CDX4: variants seen among roughly 807,000 people sequenced by gnomAD.
CDX4 encodes the protein homeobox protein CDX-4.
In CDX4, 11 loss-of-function variants were observed where a neutral mutation model predicts 14.1. That is an observed-to-expected ratio of 0.78 (90% CI 0.49 to 1.29). CDX4 has a LOEUF of 1.29. CDX4 is among the 50% of genes most tolerant of loss of function. CDX4 has a pLI of 0.00. For missense variants in CDX4, 257 were observed against 237.4 expected (o/e 1.08, Z -0.54); for synonymous variants, 100 against 93.5 (o/e 1.07, Z -0.40).
chrX:73,448,505 A>T (rs995045336), intron 1 of CDX4, among the ~76,000 whole-genome samples: 1 of 112,197 alleles, frequency 8.9e-6, no homozygotes, highest in Non-Finnish European at 1.9e-5. Flanking sequence ...CACGCAAACG[A>T]ATCAGCTCCA....
chrX:73,451,039 G>C (rs985264450), intron 1 of CDX4, among the ~76,000 whole-genome samples: 2 of 111,603 alleles, frequency 1.8e-5, no homozygotes, highest in African/African-American at 6.5e-5. Context: ...GACTCTTTGA[G>C]GAGAAGGCAA....
chrX:73,450,791 A>C (rs1335696309), intron 1 of CDX4, among the ~76,000 whole-genome samples: 2 of 111,858 alleles, frequency 1.8e-5, no homozygotes, highest in African/African-American at 6.5e-5. Context: ...TCCCTACATA[A>C]GAATATTCAT....
In CDX4 at chrX:73,447,326, G is replaced by A. The variant is rs370175012; in HGVS notation, c.73G>A (p.Gly25Ser). Residue 25 changes from glycine to serine, a missense_variant, in exon 1 of 3, where the codon GGC (glycine) becomes AGC (serine). Physicochemically the swap from Gly to Ser is moderately conservative, Grantham distance 56 (BLOSUM62 0). Coordinates refer to ENST00000373514, the MANE Select transcript of CDX4 (RefSeq NM_005193.2). ...CACTCTCATGAGCCCTGGGGGCGAC[G>A]GCACAGCTGGGACAGGCGGCACAGG... The part of the protein sequence containing the change: ...PGTLMSPGGD[G>S]TAGTGGTGGG... 2.5e-6 allele frequency: 3 copies of A among 1,209,201 alleles called. No individual in the cohort carries two copies. Among genetic ancestry groups the A allele is most frequent in the South Asian group, 1.8e-5 (1 of 56,714 alleles).
chrX:73,447,454 G>T lies in CDX4; in HGVS notation c.201G>T (p.Pro67=). The change falls in exon 1 of 3, where the codon CCG becomes CCT. Residue 67 remains proline (P), a synonymous_variant. Transcript: ENST00000373514. ...TGCCCAGCATGGATCCTCACTGGCC[G>T]TCTCTGGGAGTCTGGGGCTCACCCT... ...PHMPSMDPHW[P]SLGVWGSPYS... is the part of the protein sequence containing the mutation. The T allele has an allele frequency of 1.7e-6, 2 of 1,211,314 alleles. No homozygotes were observed. The highest frequency in any genetic ancestry group is 2.2e-6 in the Non-Finnish European group (2 of 895,134).
chrX:73,454,493 C>T lies in CDX4; in HGVS notation c.763C>T (p.Pro255Ser). 1 of 1,206,659 alleles carries T rather than the reference C, an allele frequency of 8.3e-7. No homozygotes were observed. ...GCAAAGTGACTCTGACTCCATCAGCCCTGGGGAACTACCTAACACTTTTTT... is the reference window on the plus strand; with the variant it reads ...GCAAAGTGACTCTGACTCCATCAGCTCTGGGGAACTACCTAACACTTTTTT... Reference protein sequence around the residue: ...SVQSDSDSISPGELPNTFFTT... With the variant: ...SVQSDSDSISSGELPNTFFTT... Residue 255 changes from proline (P) to serine (S), a missense_variant, in exon 3 of 3, where the codon CCT becomes TCT. Transcript: ENST00000373514.
At chrX:73,452,482 T>A (rs1025156793) in intron 1 of CDX4, among the ~76,000 whole-genome samples, 36 of 110,819 alleles carry the variant, frequency 3.2e-4, no homozygotes, top group African/African-American at 1.1e-3. Flanking sequence ...CTTTGGAAAA[T>A]TTGAAAGGAG....
intron 2 of CDX4, 107 bp from the exon 3 acceptor site, chrX:73,454,272 A>AGCC: frequency 1.9e-6 from 1 of 531,593 alleles, no homozygotes; most frequent in African/African-American, 2.3e-5. Context: ...TGTGAGGCTG[A>AGCC]AATGAAGTGA....
intron 1 of CDX4, among the ~76,000 whole-genome samples, chrX:73,449,952 T>G (rs2057082137): frequency 8.9e-6 from 1 of 111,739 alleles, no homozygotes; most frequent in Non-Finnish European, 1.9e-5. Flanking sequence ...CCCATTTATA[T>G]GCTTAGTACA....
At chrX:73,453,053 G>C (rs2057094076) in intron 1 of CDX4, among the ~76,000 whole-genome samples, 1 of 111,833 alleles carries the variant, frequency 8.9e-6, no homozygotes, top group African/African-American at 3.2e-5. Context: ...TGAAAAGACT[G>C]CATAAAATGT....
At position 73,447,769 on chromosome X, in the gene CDX4, T is replaced by G; in HGVS notation, c.502+14T>G. On this transcript the variant is annotated intron_variant, in intron 1 of 2. Coordinates refer to ENST00000373514, the MANE Select transcript of CDX4 (RefSeq NM_005193.2). The stretch of plus-strand genomic sequence containing the variant: ...TGCAGGTGACGGGTGAGTAATCAAT[T>G]CCAATGCCCACACACTTTTCCTTCC... The G allele has an allele frequency of 8.7e-7, 1 of 1,155,059 alleles. No homozygotes were observed. The highest frequency in any genetic ancestry group is 1.1e-6 in the Non-Finnish European group (1 of 871,433).
At chrX:73,449,090 G>A (rs2057079670) in intron 1 of CDX4, among the ~76,000 whole-genome samples, 1 of 111,574 alleles carries the variant, frequency 9.0e-6, no homozygotes, top group South Asian at 3.8e-4. Flanking sequence ...AAAAATATGA[G>A]TGAGTCTGTC....
Position 73,449,841 on chromosome X carries a change from T to C in CDX4, c.502+2086T>C, listed in dbSNP as rs1264673074. 7.2e-5 allele frequency among the ~76,000 whole-genome samples: 8 copies of C among 111,443 alleles called. No homozygotes were observed. The Admixed American group carries it at 7.6e-4, about 11-fold the overall frequency. ...TTGTTACATAATTTTAGGAGATTCA[T>C]GGATCCATTGAAGCCCTTTCAAGGG... is the stretch of plus-strand genomic sequence containing the variant. On this transcript the variant is annotated intron_variant, in intron 1 of 2. Coordinates refer to ENST00000373514, the MANE Select transcript of CDX4 (RefSeq NM_005193.2).
At chrX:73,453,202 G>C (rs774525074) in intron 1 of CDX4, among the ~76,000 whole-genome samples, 12 of 111,118 alleles carry the variant, frequency 1.1e-4, no homozygotes, top group Non-Finnish European at 2.1e-4. Context: ...GTCAAGATGG[G>C]ATGATTGTGA....
chrX:73,449,395 C>T (rs1441441398), intron 1 of CDX4, among the ~76,000 whole-genome samples: 1 of 111,967 alleles, frequency 8.9e-6, no homozygotes, highest in Non-Finnish European at 1.9e-5. Context: ...GTTTTATCTG[C>T]TTAAAGGTCT....
At position 73,447,491 on chromosome X, in the gene CDX4, C is replaced by A; in HGVS notation, c.238C>A (p.Arg80=). The change falls in exon 1 of 3, where the codon CGA becomes AGA. Residue 80 remains arginine (R), a synonymous_variant. Coordinates refer to ENST00000373514, the MANE Select transcript of CDX4 (RefSeq NM_005193.2). ...GVWGSPYSPP[R]EDWSVYPGPS... is the part of the protein sequence containing the mutation. ...CTGGGGCTCACCCTACAGTCCCCCG[C>A]GAGAAGACTGGAGCGTGTATCCTGG... 1 of 1,211,749 alleles carries A rather than the reference C, an allele frequency of 8.3e-7. No homozygotes were observed. Among genetic ancestry groups the A allele is most frequent in the Non-Finnish European group, 1.1e-6 (1 of 895,387 alleles).
chrX:73,451,158 C>T (rs935590000), intron 1 of CDX4, among the ~76,000 whole-genome samples: 4 of 111,761 alleles, frequency 3.6e-5, no homozygotes, highest in Non-Finnish European at 7.5e-5. Context: ...ACAGCTTGAA[C>T]AATAAAAGTT....
chrX:73,454,955 T>C lies in CDX4; in HGVS notation c.*370T>C, dbSNP rs1158433804. 7.5e-6 allele frequency: 1 copy of C among 134,078 alleles called. No individual in the cohort carries two copies. The highest frequency in any genetic ancestry group is 1.5e-5 in the Non-Finnish European group (1 of 66,580). 11.0% of individuals were successfully genotyped at this position (134,078 alleles called of 1,213,427 possible). ...TGTATGTGTACTTCTGTTTGTTATT[T>C]GATGCTAGGTGTTTTCTTTTATGCT... is the stretch of plus-strand genomic sequence containing the variant. On this transcript the variant is annotated 3_prime_UTR_variant, in exon 3 of 3. Transcript: ENST00000373514.
chrX:73,449,101 G>T (rs1603328049), intron 1 of CDX4, among the ~76,000 whole-genome samples: 2 of 111,385 alleles, frequency 1.8e-5, no homozygotes, highest in African/African-American at 6.5e-5. Flanking sequence ...TGAGTCTGTC[G>T]ACTAAGTAGA....
rs918754200 is a variant in CDX4 at position 73,454,912 on chromosome X, T to C, written c.*327T>C. 1.0e-4 allele frequency: 19 copies of C among 183,454 alleles called. No individual in the cohort carries two copies. The highest frequency in any genetic ancestry group is 1.8e-4 in the South Asian group (1 of 5,580). 15.1% of individuals were successfully genotyped at this position (183,454 alleles called of 1,213,427 possible). The stretch of plus-strand genomic sequence containing the variant: ...ATGAATAGACTGTAAAATACAATTT[T>C]GCCAGAAAGCACATTTGTGTATGTG... On this transcript the variant is annotated 3_prime_UTR_variant, in exon 3 of 3. Transcript: ENST00000373514.
Sources: allele counts gnomAD v4.1 joint callset (sites outside exome capture counted in the v4.1 genomes callset), GRCh38; gene constraint gnomAD v4.1.1; transcripts MANE v1.5; gene names NCBI Gene and HGNC (gene_info 2026-07-23, HGNC 2026-07-21).